Variants in CSMD3 observed in about 807,000 individuals in gnomAD.
CSMD3 encodes CUB and Sushi multiple domains 3, also known as CUB and sushi domain-containing protein 3.
Under a neutral mutation model 435.2 loss-of-function variants are expected in CSMD3, and 177 were observed. The ratio of observed to expected loss-of-function variants is 0.41; its 90% CI spans 0.36 to 0.46. The LOEUF is 0.46. Ranked by LOEUF, CSMD3 falls within the 20% of genes least tolerant of loss-of-function variation. The pLI, the probability that CSMD3 is intolerant of heterozygous loss-of-function variation, is 0.34. For missense variants in CSMD3, 4,265 were observed against 4,504.6 expected (o/e 0.95, Z 1.52); for synonymous variants, 1,656 against 1,520.5 (o/e 1.09, Z -2.07).
intron 1 of CSMD3, among the ~76,000 whole-genome samples, chr8:113,431,013 T>C (rs73704703): frequency 6.6e-6 from 1 of 152,268 alleles, no homozygotes; most frequent in African/African-American, 2.4e-5. Context: ...CCAGCAGGTC[T>C]TCAACAAATT....
At chr8:112,540,117 G>GC (rs1452291555) in intron 27 of CSMD3, among the ~76,000 whole-genome samples, 1 of 151,858 alleles carries the variant, frequency 6.6e-6, no homozygotes, top group African/African-American at 2.4e-5. Flanking sequence ...TTAATAATGA[G>GC]CAAATGCTTT....
intron 17 of CSMD3, among the ~76,000 whole-genome samples, chr8:112,663,856 G>A (rs1235437310): frequency 6.6e-6 from 1 of 152,180 alleles, no homozygotes; most frequent in African/African-American, 2.4e-5. Flanking sequence ...AATGTTGAGA[G>A]AGTGCAGCAG....
chr8:113,252,617 A>G (rs2093344673), intron 3 of CSMD3, among the ~76,000 whole-genome samples: 1 of 152,120 alleles, frequency 6.6e-6, no homozygotes, highest in African/African-American at 2.4e-5. Context: ...CCTTCTCTCT[A>G]TGGCCTTCTC....
At chr8:112,535,372 C>A in intron 27 of CSMD3, among the ~76,000 whole-genome samples, 1 of 151,982 alleles carries the variant, frequency 6.6e-6, no homozygotes, top group East Asian at 1.9e-4. Flanking sequence ...TCTTATACAC[C>A]AATAACAGAC....
rs1261161336 is a variant in CSMD3 at position 113,261,805 on chromosome 8, G to A, written c.514+16787C>T. Among the ~76,000 whole-genome samples, 6 of 151,912 alleles carry A rather than the reference G, an allele frequency of 3.9e-5. No individual in the cohort carries two copies. In the East Asian group the frequency reaches 1.2e-3, roughly 29 times the overall value. On this transcript the variant is annotated intron_variant, in intron 3 of 70. Coordinates refer to ENST00000297405, the MANE Select transcript of CSMD3 (RefSeq NM_198123.2). ...ACCTCCAAACATTATAGTATACATG[G>A]GCATATTCATTATATTTAAACTATA...
At chr8:113,156,657 T>C (rs1469135241) in intron 4 of CSMD3, among the ~76,000 whole-genome samples, 1 of 151,412 alleles carries the variant, frequency 6.6e-6, no homozygotes. Context: ...TCCCAGCATT[T>C]TGGGAGGCTG....
chr8:113,187,100 G>A (rs968134372), intron 3 of CSMD3, among the ~76,000 whole-genome samples: 18 of 151,138 alleles, frequency 1.2e-4, no homozygotes, highest in African/African-American at 2.4e-4. Context: ...TGAGGTGGGC[G>A]GGGGGCTGTT....
At position 113,173,266 on chromosome 8, in the gene CSMD3, T is replaced by C. The variant is rs541109402; in HGVS notation, c.709+456A>G. On this transcript the variant is annotated intron_variant, in intron 4 of 70. Transcript: ENST00000297405. ...AGAGATACTAGTCAATACTAGAATT[T>C]AGTATTTTTCTCTCCTTTTCATGTA... Among the ~76,000 whole-genome samples, 3 of 152,292 alleles carry C rather than the reference T, an allele frequency of 2.0e-5. No homozygotes were observed. In the East Asian group the frequency reaches 5.8e-4, roughly 29 times the overall value.
At chr8:112,874,221 G>C (rs1250458877) in intron 10 of CSMD3, among the ~76,000 whole-genome samples, 2 of 152,134 alleles carry the variant, frequency 1.3e-5, no homozygotes, top group South Asian at 2.1e-4. Context: ...GTGCAGTTTT[G>C]AGTGAGTTTC....
chr8:113,195,968 C>T (rs1402200166), intron 3 of CSMD3, among the ~76,000 whole-genome samples: 1 of 150,360 alleles, frequency 6.7e-6, no homozygotes, highest in Non-Finnish European at 1.5e-5. Flanking sequence ...TATTAGAGGA[C>T]AACTTATGGT....
chr8:113,235,736 T>A (rs1200796640), intron 3 of CSMD3, among the ~76,000 whole-genome samples: 2 of 152,084 alleles, frequency 1.3e-5, no homozygotes, highest in Non-Finnish European at 2.9e-5. Flanking sequence ...GGCAGCACCA[T>A]CCAATTGAGT....
At chr8:112,231,428 T>C (rs1488631953) in intron 69 of CSMD3, 117 bp downstream of exon 69, 4 of 758,386 alleles carry the variant, frequency 5.3e-6, no homozygotes, top group South Asian at 4.3e-5. Flanking sequence ...TGCATAGTTC[T>C]GGCAGTACAG....
intron 8 of CSMD3, among the ~76,000 whole-genome samples, chr8:112,949,533 A>G (rs182268264): frequency 5.1e-4 from 77 of 152,124 alleles, no homozygotes; most frequent in Non-Finnish European, 4.6e-4. Flanking sequence ...TATGCTAATG[A>G]CTTCTAATTC....
chr8:113,314,338 C>G, intron 2 of CSMD3: 1 of 498,676 alleles, frequency 2.0e-6, no homozygotes, highest in Non-Finnish European at 3.6e-6. Context: ...AAGAGATCAC[C>G]ACTCAATATA....
At chr8:112,326,784 G>C (rs1165434923) in intron 45 of CSMD3, among the ~76,000 whole-genome samples, 1 of 152,184 alleles carries the variant, frequency 6.6e-6, no homozygotes, top group Admixed American at 6.5e-5. Context: ...GGGATGTGAG[G>C]AGAGCAGACC....
chr8:112,593,388 A>T (rs1033711317), intron 22 of CSMD3, among the ~76,000 whole-genome samples: 3 of 152,146 alleles, frequency 2.0e-5, no homozygotes, highest in African/African-American at 7.2e-5. Context: ...GCCAAAGTAA[A>T]AGTTAGAACT....
At chr8:112,469,402 A>T (rs1818299254) in intron 32 of CSMD3, among the ~76,000 whole-genome samples, 2 of 152,020 alleles carry the variant, frequency 1.3e-5, no homozygotes, top group South Asian at 4.1e-4. Context: ...TTACATAAGG[A>T]TGTTAGAGCC....
At chr8:113,368,580 A>G (rs2094327981) in intron 1 of CSMD3, among the ~76,000 whole-genome samples, 1 of 152,130 alleles carries the variant, frequency 6.6e-6, no homozygotes, top group Admixed American at 6.6e-5. Context: ...TATCTTCCTA[A>G]AAACTCAAGT....
chr8:112,624,591 T>C (rs2131531494), intron 22 of CSMD3, among the ~76,000 whole-genome samples: 1 of 152,198 alleles, frequency 6.6e-6, no homozygotes. Context: ...GCTTTTCCAA[T>C]ATGGAAACTA....
Sources: gnomAD v4.1 joint callset for allele counts (sites outside exome capture counted in the v4.1 genomes callset) on GRCh38, gnomAD v4.1.1 for gene constraint, MANE v1.5 for transcripts, NCBI Gene and HGNC (gene_info 2026-07-23, HGNC 2026-07-21) for gene names.